The following EIPR1 variants were observed in gnomAD, a reference collection of about 807,000 sequenced individuals.
EIPR1 encodes the protein EARP and GARP complex-interacting protein 1.
A neutral mutation model predicts 48.1 loss-of-function variants in EIPR1; 25 were observed. That is an observed-to-expected ratio of 0.52 (90% CI 0.38 to 0.73). The LOEUF is 0.73. Among genes scored for constraint, EIPR1 ranks in the 30% least tolerant of loss-of-function variants. EIPR1 has a pLI of 0.00. For synonymous variants in EIPR1, 204 were observed against 201.9 expected, an observed-to-expected ratio of 1.01 and a Z score of -0.09; for missense variants, 415 against 506.2, an observed-to-expected ratio of 0.82 and a Z score of 1.73.
Position 3,373,042 on chromosome 2 carries a change from G to A in EIPR1, c.42+4606C>T, listed in dbSNP as rs572850742. On this transcript the variant is annotated intron_variant, in intron 1 of 8. Transcript: ENST00000382125. Reference sequence around the variant, plus strand: ...AAAAGCTTATCCACCATGATCAAGCGGGCTTCATCCCTGGGATACAAGGCT... The same window carrying A: ...AAAAGCTTATCCACCATGATCAAGCAGGCTTCATCCCTGGGATACAAGGCT... 1.1e-4 allele frequency among the ~76,000 whole-genome samples: 17 copies of A among 152,264 alleles called. No individual in the cohort carries two copies. The South Asian group carries it at 1.2e-3, about 11-fold the overall frequency.
rs377245581 is a variant in EIPR1, at chr2:3,377,712, C to G, written c.-23G>C. ...CATGCTGCGGGGAAGCGACCCGACC[C>G]CGGCCACTCACACGCTAAGGACCTC... is the stretch of plus-strand genomic sequence containing the variant. On this transcript the variant is annotated 5_prime_UTR_variant, in exon 1 of 9. Transcript: ENST00000382125. 6.4e-5 allele frequency: 100 copies of G among 1,571,384 alleles called. 1 individual carries two copies. In the African/African-American group the frequency reaches 1.3e-3, roughly 20 times the overall value.
chr2:3,289,049 C>A (rs1668291146), intron 3 of EIPR1, among the ~76,000 whole-genome samples: 1 of 152,254 alleles, frequency 6.6e-6, no homozygotes, highest in South Asian at 2.1e-4. Context: ...CACTGCTCAG[C>A]TTTCTGGAGT....
At chr2:3,281,767 T>C (rs1668017430) in intron 3 of EIPR1, among the ~76,000 whole-genome samples, 1 of 152,274 alleles carries the variant, frequency 6.6e-6, no homozygotes, top group African/African-American at 2.4e-5. Flanking sequence ...ATGTTGAAAC[T>C]TGATTCTGAA....
intron 3 of EIPR1, among the ~76,000 whole-genome samples, chr2:3,261,035 C>G (rs1379125536): frequency 1.3e-5 from 2 of 152,200 alleles, no homozygotes; most frequent in Non-Finnish European, 2.9e-5. Context: ...CAAAGCTTGG[C>G]TTGTTGATAA....
chr2:3,258,588 T>C (rs1667235142), intron 3 of EIPR1, among the ~76,000 whole-genome samples: 1 of 152,228 alleles, frequency 6.6e-6, no homozygotes. Flanking sequence ...ATCGAAAATG[T>C]ATCACTTACT....
chr2:3,278,364 C>T (rs1049886574), intron 3 of EIPR1, among the ~76,000 whole-genome samples: 1 of 152,198 alleles, frequency 6.6e-6, no homozygotes, highest in Admixed American at 6.5e-5. Flanking sequence ...GGAACCTCCT[C>T]CAAGCTACCA....
intron 4 of EIPR1, among the ~76,000 whole-genome samples, chr2:3,220,869 G>T (rs1233448545): frequency 1.3e-5 from 2 of 149,174 alleles, no homozygotes; most frequent in Non-Finnish European, 1.5e-5. Context: ...CAATGGCCGA[G>T]GTACACTCTA....
chr2:3,293,564 T>C (rs1668436463), intron 3 of EIPR1, among the ~76,000 whole-genome samples: 1 of 152,228 alleles, frequency 6.6e-6, no homozygotes, highest in African/African-American at 2.4e-5. Flanking sequence ...CAGCCACGAC[T>C]GGACCAGTCC....
chr2:3,306,343 T>C (rs1478123567), intron 3 of EIPR1, among the ~76,000 whole-genome samples: 2 of 152,246 alleles, frequency 1.3e-5, no homozygotes, highest in African/African-American at 4.8e-5. Context: ...TCTAAGATTC[T>C]TTAACTTATT....
intron 3 of EIPR1, among the ~76,000 whole-genome samples, chr2:3,303,692 G>A (rs1055949518): frequency 1.2e-4 from 18 of 152,216 alleles, no homozygotes; most frequent in Admixed American, 1.3e-4. Context: ...CCCGCCAGAC[G>A]CCGGCAACCT....
intron 2 of EIPR1, among the ~76,000 whole-genome samples, chr2:3,354,271 T>C (rs1205281047): frequency 6.6e-6 from 1 of 152,148 alleles, no homozygotes; most frequent in Non-Finnish European, 1.5e-5. Context: ...TATCCTTGCT[T>C]CTCAATTGCT....
intron 4 of EIPR1, among the ~76,000 whole-genome samples, chr2:3,246,232 C>T (rs555942664): frequency 1.3e-5 from 2 of 152,340 alleles, no homozygotes; most frequent in Admixed American, 6.5e-5. Context: ...TCAAACACAA[C>T]ATTTACAAAA....
chr2:3,245,324 T>C (rs1313664150), intron 4 of EIPR1, among the ~76,000 whole-genome samples: 1 of 152,212 alleles, frequency 6.6e-6, no homozygotes, highest in Non-Finnish European at 1.5e-5. Flanking sequence ...GTGATTCTCC[T>C]GCCTCAGCCT....
intron 4 of EIPR1, among the ~76,000 whole-genome samples, chr2:3,229,004 T>C (rs1426081942): frequency 6.6e-6 from 1 of 152,220 alleles, no homozygotes; most frequent in Non-Finnish European, 1.5e-5. Flanking sequence ...AAATGCTGAA[T>C]TAATAAAGTC....
intron 5 of EIPR1, among the ~76,000 whole-genome samples, chr2:3,212,757 T>C (rs1665501093): frequency 6.6e-6 from 1 of 152,170 alleles, no homozygotes; most frequent in Non-Finnish European, 1.5e-5. Context: ...CGTTTCCTGT[T>C]TTATCTTAAA....
intron 3 of EIPR1, among the ~76,000 whole-genome samples, chr2:3,290,346 A>C (rs566665288): frequency 6.6e-6 from 1 of 152,314 alleles, no homozygotes; most frequent in East Asian, 1.9e-4. Flanking sequence ...TTTTAAATAC[A>C]AAAGAATACA....
chr2:3,323,608 A>G (rs567744639), intron 3 of EIPR1, among the ~76,000 whole-genome samples: 9 of 152,320 alleles, frequency 5.9e-5, no homozygotes, highest in Non-Finnish European at 1.0e-4. Context: ...CCACGTGAGC[A>G]GCCTCCTCCT....
intron 3 of EIPR1, among the ~76,000 whole-genome samples, chr2:3,277,699 C>T (rs1032724672): frequency 1.3e-5 from 2 of 152,236 alleles, no homozygotes; most frequent in Non-Finnish European, 2.9e-5. Flanking sequence ...AGTGGGGGTC[C>T]CTGCCAGGCG....
At chr2:3,294,984 TACACACACAC>T (rs143221197) in intron 3 of EIPR1, among the ~76,000 whole-genome samples, 6 of 67,418 alleles carry the variant, frequency 8.9e-5, no homozygotes, top group Non-Finnish European at 1.1e-4. Flanking sequence ...CCATCCTCTC[TACACACACAC>T]ACACACACCC....
Sources: allele counts gnomAD v4.1 joint callset (sites outside exome capture counted in the v4.1 genomes callset), GRCh38; gene constraint gnomAD v4.1.1; transcripts MANE v1.5; gene names NCBI Gene and HGNC (gene_info 2026-07-23, HGNC 2026-07-21).